Variants in RBM26 observed in about 807,000 individuals in gnomAD.
RBM26 encodes the protein RNA-binding protein 26.
RBM26 carries 30 observed loss-of-function variants against 123.6 expected under a neutral mutation model. The observed-to-expected ratio is 0.24, with a 90% CI of 0.18 to 0.33. RBM26 has a LOEUF of 0.33. Ranked by LOEUF, RBM26 falls within the 10% of genes least tolerant of loss-of-function variation. RBM26 has a pLI of 1.00. For missense variants in RBM26, 947 were observed against 1,203.6 expected (o/e 0.79, Z 3.15); for synonymous variants, 400 against 404.4 (o/e 0.99, Z 0.13).
intron 9 of RBM26, among the ~76,000 whole-genome samples, chr13:79,365,120 G>A (rs2075122554): frequency 6.6e-6 from 1 of 152,058 alleles, no homozygotes. Context: ...TTCTCCAACG[G>A]GGGAACGAAG....
intron 11 of RBM26, among the ~76,000 whole-genome samples, chr13:79,357,265 A>G (rs2074135882): frequency 6.6e-6 from 1 of 152,112 alleles, no homozygotes; most frequent in African/African-American, 2.4e-5. Context: ...AGTACTTTTC[A>G]ATGGCAAGAA....
intron 8 of RBM26, 94 bp downstream of exon 8, chr13:79,365,961 A>C: frequency 4.1e-6 from 5 of 1,224,750 alleles, no homozygotes; most frequent in Non-Finnish European, 5.8e-6. Context: ...TAGTGAGAAA[A>C]GTAGTCCTCA....
chr13:79,361,581 T>C (rs1245944347), intron 9 of RBM26, among the ~76,000 whole-genome samples: 1 of 152,192 alleles, frequency 6.6e-6, no homozygotes, highest in East Asian at 1.9e-4. Context: ...CTTAAGCCTA[T>C]GAATACATCC....
chr13:79,350,548 T>A (rs2073076385), intron 14 of RBM26, among the ~76,000 whole-genome samples: 1 of 152,190 alleles, frequency 6.6e-6, no homozygotes, highest in African/African-American at 2.4e-5. Flanking sequence ...CAATTACGTT[T>A]TAACTTTCCT....
At chr13:79,370,526 A>G (rs2075773979) in intron 5 of RBM26, among the ~76,000 whole-genome samples, 1 of 152,212 alleles carries the variant, frequency 6.6e-6, no homozygotes, top group Admixed American at 6.5e-5. Flanking sequence ...TCTGGCTCTT[A>G]CAAATAAGTC....
rs2076891470 is a variant in RBM26, at chr13:79,379,308, C to A, written c.72-401G>T. Among the ~76,000 whole-genome samples the A allele has an allele frequency of 2.1e-5, 3 of 139,654 alleles. No homozygotes were observed. The Admixed American group carries it at 2.4e-4, about 11-fold the overall frequency. 91.6% of individuals were successfully genotyped at this position (139,654 alleles called of 152,430 possible). A position where few individuals can be genotyped will look rare whatever the true frequency, so the allele number is the denominator to read the frequency against. On this transcript the variant is annotated intron_variant, in intron 1 of 21. Coordinates refer to ENST00000438737, the MANE Select transcript of RBM26 (RefSeq NM_001366735.2). ...CAGCACCTTGGGAGACCTAGGCGGGCAGATCGCTTGAGCCCAGGAGTTCAA... is the reference window on the plus strand; with the variant it reads ...CAGCACCTTGGGAGACCTAGGCGGGAAGATCGCTTGAGCCCAGGAGTTCAA...
chr13:79,312,569 T>C (rs1369823293), exon 5 of RBM26: 1 of 152,026 alleles, frequency 6.6e-6, no homozygotes, highest in African/African-American at 2.4e-5. Flanking sequence ...GGATTACATA[T>C]TTTAGTATTA....
intron 1 of RBM26, among the ~76,000 whole-genome samples, chr13:79,388,061 C>A (rs1306808923): frequency 1.3e-5 from 2 of 152,218 alleles, no homozygotes; most frequent in Non-Finnish European, 2.9e-5. Flanking sequence ...ACAACTCACT[C>A]TTAAACTAGA....
rs574931235 is a variant in RBM26, at chr13:79,358,007, C to T, written c.1689+267G>A. Among the ~76,000 whole-genome samples the T allele has an allele frequency of 1.7e-3, 261 of 151,934 alleles. 1 individual carries two copies. The highest frequency in any genetic ancestry group is 5.9e-3 in the African/African-American group (245 of 41,434). On this transcript the variant is annotated intron_variant, in intron 11 of 21. Coordinates refer to ENST00000438737, the MANE Select transcript of RBM26 (RefSeq NM_001366735.2). The stretch of plus-strand genomic sequence containing the variant: ...AAGCAATTCTCCTGCCTCAACCTCC[C>T]GAGTAGCTGGGATTACAGGTGCCTG...
chr13:79,312,974 TCA>T (rs2066937082), exon 5 of RBM26: 1 of 151,860 alleles, frequency 6.6e-6, no homozygotes, highest in Admixed American at 6.6e-5. Flanking sequence ...CCAAAAATAT[TCA>T]GTTGATCTGT....
rs149870726 is a variant in RBM26 at position 79,369,051 on chromosome 13, A to G, written c.635-61T>C. Reference sequence around the variant, plus strand: ...TGTATTAAAAAAAAAAAAGTCCCAGATCTAAGAAATAGTGATATTTTTATA... The same window carrying G: ...TGTATTAAAAAAAAAAAAGTCCCAGGTCTAAGAAATAGTGATATTTTTATA... On this transcript the variant is annotated intron_variant, in intron 5 of 21. Coordinates refer to ENST00000438737, the MANE Select transcript of RBM26 (RefSeq NM_001366735.2). 4.1e-4 allele frequency: 436 copies of G among 1,071,950 alleles called. 5 individuals carry two copies. In the East Asian group the frequency reaches 0.011, roughly 28 times the overall value. The allele number at this position is 1,071,950 out of a possible 1,614,324, so 66.4% of individuals were successfully genotyped here. A position where few individuals can be genotyped will look rare whatever the true frequency, so the allele number is the denominator to read the frequency against.
At chr13:79,330,373 G>A (rs1462738805) in intron 20 of RBM26, among the ~76,000 whole-genome samples, 2 of 152,080 alleles carry the variant, frequency 1.3e-5, no homozygotes, top group African/African-American at 2.4e-5. Flanking sequence ...ATTAAGTTTG[G>A]AAAAATGTTG....
intron 1 of RBM26, among the ~76,000 whole-genome samples, chr13:79,390,769 T>C (rs1422964180): frequency 6.6e-6 from 1 of 152,164 alleles, no homozygotes; most frequent in Non-Finnish European, 1.5e-5. Flanking sequence ...CTTTCAACTT[T>C]TCTGTATATT....
intron 3 of RBM26, among the ~76,000 whole-genome samples, chr13:79,376,017 C>A (rs940639717): frequency 3.3e-5 from 5 of 152,016 alleles, no homozygotes; most frequent in South Asian, 4.2e-4. Context: ...CTCACAAGAA[C>A]CTTTAATATT....
At chr13:79,380,497 A>T (rs528368690) in intron 1 of RBM26, among the ~76,000 whole-genome samples, 109 of 62,460 alleles carry the variant, frequency 1.7e-3, no homozygotes, top group Admixed American at 3.3e-3. Context: ...GAAAGTTTTT[A>T]AAAAAAAAAA....
chr13:79,387,352 A>C (rs9545097), intron 1 of RBM26, among the ~76,000 whole-genome samples: 44,669 of 151,938 alleles, frequency 0.29, 8,083 homozygotes, highest in Non-Finnish European at 0.41. Context: ...TGGTTGCTAT[A>C]TTTTAAGTCC....
intron 16 of RBM26, among the ~76,000 whole-genome samples, chr13:79,343,239 G>A (rs2071730492): frequency 6.6e-6 from 1 of 151,812 alleles, no homozygotes; most frequent in South Asian, 2.1e-4. Context: ...GAAAGAACCA[G>A]AGGAAAAGTT....
chr13:79,388,239 G>A (rs2077649272), intron 1 of RBM26, among the ~76,000 whole-genome samples: 1 of 152,194 alleles, frequency 6.6e-6, no homozygotes, highest in Admixed American at 6.5e-5. Context: ...GGGATTACAG[G>A]CATGTACCAC....
intron 1 of RBM26, among the ~76,000 whole-genome samples, chr13:79,392,552 TA>T (rs1266934960): frequency 6.8e-6 from 1 of 146,798 alleles, no homozygotes; most frequent in East Asian, 1.9e-4. Flanking sequence ...TAAACATAAT[TA>T]ATATGTAAAA....
Sources: allele counts gnomAD v4.1 joint callset (sites outside exome capture counted in the v4.1 genomes callset), GRCh38; gene constraint gnomAD v4.1.1; transcripts MANE v1.5; gene names NCBI Gene and HGNC (gene_info 2026-07-23, HGNC 2026-07-21).